BICRA: variants seen among roughly 807,000 people sequenced by gnomAD.
BICRA encodes BRD4 interacting chromatin remodeling complex associated protein, also known as BRD4-interacting chromatin-remodeling complex-associated protein.
BICRA carries 31 observed loss-of-function variants against 96.9 expected under a neutral mutation model. The observed-to-expected ratio is 0.32, with a 90% confidence interval of 0.24 to 0.43. BICRA has a LOEUF of 0.43. Among genes scored for constraint, BICRA ranks in the 20% least tolerant of loss-of-function variants. BICRA has a pLI of 1.00. For synonymous variants in BICRA, 1,350 were observed against 1,071.8 expected (o/e 1.26, Z -5.07); for missense variants, 2,283 against 2,190.3 (o/e 1.04, Z -0.84).
At chr19:47,692,576 G>A (rs949079869) in intron 7 of BICRA, among the ~76,000 whole-genome samples, 2 of 152,202 alleles carry the variant, frequency 1.3e-5, no homozygotes, top group African/African-American at 4.8e-5. Flanking sequence ...CCAGGTCAAA[G>A]TTGTGACCCT....
At chr19:47,631,309 C>T (rs1972218949) in intron 1 of BICRA, among the ~76,000 whole-genome samples, 1 of 152,118 alleles carries the variant, frequency 6.6e-6, no homozygotes. Flanking sequence ...CTCACTGCAA[C>T]CTCCGCCTCC....
intron 1 of BICRA, among the ~76,000 whole-genome samples, chr19:47,621,890 C>T (rs992936177): frequency 6.6e-6 from 1 of 152,194 alleles, no homozygotes; most frequent in Non-Finnish European, 1.5e-5. Flanking sequence ...CTCCCAGGTT[C>T]AAGCAATTCT....
chr19:47,609,853 C>T (rs972909890), intron 1 of BICRA, among the ~76,000 whole-genome samples: 1 of 152,040 alleles, frequency 6.6e-6, no homozygotes, highest in African/African-American at 2.4e-5. Context: ...CCCTTCGCAC[C>T]GCCCCTAAAC....
intron 9 of BICRA, 22 bp from the exon 10 acceptor site, chr19:47,695,343 C>CG: frequency 6.3e-6 from 4 of 630,236 alleles, no homozygotes; most frequent in South Asian, 3.9e-5. Context: ...GGCCCTGTCT[C>CG]CCCCACCCCA....
At chr19:47,619,762 TGTG>T (rs1387254941) in intron 1 of BICRA, among the ~76,000 whole-genome samples, 1 of 152,136 alleles carries the variant, frequency 6.6e-6, no homozygotes, top group Non-Finnish European at 1.5e-5. Context: ...CTTAGCCAGT[TGTG>T]GTGGCCCCTG....
Position 47,680,064 on chromosome 19 carries a change from C to G in BICRA, c.894C>G (p.Ala298=), listed in dbSNP as rs1973009253. The G allele has an allele frequency of 6.4e-7, 1 of 1,562,732 alleles. No individual in the cohort carries two copies. The highest frequency in any genetic ancestry group is 1.2e-5 in the South Asian group (1 of 86,028). The change falls in exon 6 of 15, where the codon GCC becomes GCG. Residue 298 remains alanine (A), a synonymous_variant. Coordinates refer to ENST00000594866, the MANE Select transcript of BICRA (RefSeq NM_001394372.1). ...VIQKNLSAAV[A]TTLNGNSVFG... is the part of the protein sequence containing the mutation. The stretch of plus-strand genomic sequence containing the variant: ...AGAAGAACCTCTCGGCCGCTGTGGC[C>G]ACCACGCTCAATGGGAACTCTGTGT...
rs1379734042 is a variant in BICRA, at chr19:47,701,787, C to T, written c.4055C>T (p.Pro1352Leu). The T allele has an allele frequency of 1.3e-6, 2 of 1,538,936 alleles. No individual in the cohort carries two copies. The highest frequency in any genetic ancestry group is 3.9e-5 in the Admixed American group (2 of 50,676). The change falls in exon 15 of 15, where the codon CCA becomes CTA. Residue 1352 changes from proline to leucine, a missense_variant. By Grantham distance (98) the Pro-to-Leu change is moderately conservative. Transcript: ENST00000594866. The surrounding 1 kb of genome is among the most constrained non-coding windows in gnomAD (Gnocchi z 5.4). Reference protein sequence around the residue: ...VAEPPPRPPPPPPPTGQMNGT... With the variant: ...VAEPPPRPPPLPPPTGQMNGT... Reference sequence around the variant, plus strand: ...GAGCCCCCGCCACGGCCGCCACCACCACCGCCGCCCACGGGCCAGATGAAC... The same window carrying T: ...GAGCCCCCGCCACGGCCGCCACCACTACCGCCGCCCACGGGCCAGATGAAC...
intron 1 of BICRA, among the ~76,000 whole-genome samples, chr19:47,636,094 C>T (rs904095299): frequency 1.3e-5 from 2 of 152,158 alleles, no homozygotes; most frequent in African/African-American, 4.8e-5. Flanking sequence ...TGTTTATACT[C>T]AGTTCCCATC....
At chr19:47,611,099 G>A (rs938966721) in intron 1 of BICRA, among the ~76,000 whole-genome samples, 6 of 151,948 alleles carry the variant, frequency 3.9e-5, no homozygotes, top group Non-Finnish European at 8.8e-5. Context: ...GCTTGCCCAG[G>A]GTCACACAGC....
At chr19:47,659,287 A>G (rs1972667889) in intron 1 of BICRA, among the ~76,000 whole-genome samples, 1 of 152,200 alleles carries the variant, frequency 6.6e-6, no homozygotes, top group Admixed American at 6.5e-5. Context: ...CACTAAAAAT[A>G]AAGATGGTGT....
rs1439241263 is a variant in BICRA at position 47,681,019 on chromosome 19, C to G, written c.1849C>G (p.Pro617Ala). Residue 617 changes from proline (P) to alanine (A), a missense_variant, in exon 6 of 15, where the codon CCT becomes GCT. Physicochemically the swap from Pro to Ala is conservative, Grantham distance 27. Coordinates refer to ENST00000594866, the MANE Select transcript of BICRA (RefSeq NM_001394372.1). ...TGCCGCTGCCACCGGGGAGGCCGCG[C>G]CTGTCCTCACGGTGCAGCCTGCCCC... Reference protein sequence around the residue: ...TPAAATGEAAPVLTVQPAPQA... With the variant: ...TPAAATGEAAAVLTVQPAPQA... The G allele has an allele frequency of 1.4e-6, 2 of 1,448,470 alleles. No individual in the cohort carries two copies. Among genetic ancestry groups the G allele is most frequent in the African/African-American group, 3.0e-5 (2 of 66,554 alleles). 89.7% of individuals were successfully genotyped at this position (1,448,470 alleles called of 1,614,324 possible).
At chr19:47,691,246 C>T (rs1024464757) in intron 7 of BICRA, among the ~76,000 whole-genome samples, 1 of 152,214 alleles carries the variant, frequency 6.6e-6, no homozygotes, top group African/African-American at 2.4e-5. Flanking sequence ...TGGCTTCCCG[C>T]AAAGTGAGTG....
rs10567798 is a variant in BICRA at position 47,659,685 on chromosome 19, TACACACACACACAC to T, written c.-107-10723_-107-10710del. On this transcript the variant is annotated intron_variant, in intron 1 of 14. Coordinates refer to ENST00000594866, the MANE Select transcript of BICRA (RefSeq NM_001394372.1). ...CTGTGCAGCTGTACATGGTGGTGCA[TACACACACACACAC>T]ACACACACACACACACACACACACA... Among the ~76,000 whole-genome samples, 967 of 132,510 alleles carry T rather than the reference TACACACACACACAC, an allele frequency of 7.3e-3. 14 individuals carry two copies. Among genetic ancestry groups the T allele is most frequent in the African/African-American group, 0.022 (790 of 35,762 alleles). 86.9% of individuals were successfully genotyped at this position (132,510 alleles called of 152,430 possible).
chr19:47,648,852 A>AT (rs1359940506), intron 1 of BICRA, among the ~76,000 whole-genome samples: 2,267 of 125,148 alleles, frequency 0.018, 33 homozygotes, highest in South Asian at 0.048. Context: ...ACGCTGGGCT[A>AT]TTTTTTTTTT....
chr19:47,625,235 A>G (rs546585588), intron 1 of BICRA, among the ~76,000 whole-genome samples: 4 of 150,798 alleles, frequency 2.7e-5, no homozygotes, highest in South Asian at 2.1e-4. Flanking sequence ...CCTGACCTCC[A>G]GTGATTTGCC....
intron 1 of BICRA, among the ~76,000 whole-genome samples, chr19:47,610,859 C>T (rs1363453482): frequency 6.6e-6 from 1 of 152,092 alleles, no homozygotes; most frequent in African/African-American, 2.4e-5. Context: ...ACTCAGGAAG[C>T]ACCCCCTTCC....
chr19:47,628,046 G>A (rs1323213963), intron 1 of BICRA, among the ~76,000 whole-genome samples: 1 of 152,186 alleles, frequency 6.6e-6, no homozygotes, highest in Non-Finnish European at 1.5e-5. Flanking sequence ...GGGATTACAG[G>A]TGTGAGCCAC....
intron 7 of BICRA, among the ~76,000 whole-genome samples, chr19:47,689,041 G>A (rs997550662): frequency 1.3e-5 from 2 of 151,940 alleles, no homozygotes; most frequent in African/African-American, 4.8e-5. Flanking sequence ...TGGCCAGGCT[G>A]GTCTTGGACT....
intron 1 of BICRA, among the ~76,000 whole-genome samples, chr19:47,658,624 T>G (rs1254721460): frequency 4.5e-5 from 6 of 132,114 alleles, no homozygotes; most frequent in Non-Finnish European, 8.0e-5. Context: ...AGAATGAGAC[T>G]TCGTCTCAAA....
Sources: allele counts gnomAD v4.1 joint callset (sites outside exome capture counted in the v4.1 genomes callset), GRCh38; gene constraint gnomAD v4.1.1; non-coding constraint Gnocchi (gnomAD v3.1); transcripts MANE v1.5; gene names NCBI Gene and HGNC (gene_info 2026-07-23, HGNC 2026-07-21).